The following TPGS2 variants were observed in gnomAD, a reference collection of about 807,000 sequenced individuals.
TPGS2 encodes the protein tubulin polyglutamylase complex subunit 2, also known as polyglutamylase subunit 2.
TPGS2 carries 26 observed loss-of-function variants against 31.1 expected under a neutral mutation model. The ratio of observed to expected loss-of-function variants is 0.84; its 90% CI spans 0.61 to 1.16. The LOEUF is 1.16. Among genes scored for constraint, TPGS2 ranks in the 50% most tolerant of loss-of-function variants. The probability of loss-of-function intolerance (pLI) is 0.00; values close to 1 mark genes in which losing one functional copy is unlikely to be tolerated. For missense variants in TPGS2, 351 were observed against 363.8 expected, an observed-to-expected ratio of 0.96 and a Z score of 0.29; for synonymous variants, 130 against 136.6, an observed-to-expected ratio of 0.95 and a Z score of 0.34.
Position 36,825,431 on chromosome 18 carries a change from CCAAAAAAA to C in TPGS2, c.85+3244_85+3251del, listed in dbSNP as rs2046091395. Among the ~76,000 whole-genome samples, 23 of 103,668 alleles carry C rather than the reference CCAAAAAAA, an allele frequency of 2.2e-4. No individual in the cohort carries two copies. The South Asian group carries it at 6.2e-3, about 28-fold the overall frequency. 68.0% of individuals were successfully genotyped at this position (103,668 alleles called of 152,430 possible). A position where few individuals can be genotyped will look rare whatever the true frequency, so the allele number is the denominator to read the frequency against. ...TGGGCGACAGAGCGAGACTCCGTCTCCAAAAAAAAAAAAAAAAAAAAAATCAATGAATC... is the reference window on the plus strand; with the variant it reads ...TGGGCGACAGAGCGAGACTCCGTCTCAAAAAAAAAAAAAAATCAATGAATC... On this transcript the variant is annotated intron_variant, in intron 1 of 6. Coordinates refer to ENST00000334295, the MANE Select transcript of TPGS2 (RefSeq NM_015476.4).
intron 6 of TPGS2, among the ~76,000 whole-genome samples, chr18:36,784,119 A>T (rs1232887321): frequency 6.6e-6 from 1 of 152,246 alleles, no homozygotes; most frequent in Non-Finnish European, 1.5e-5. Context: ...TTTTAGCTCA[A>T]TAAAACTAAT....
chr18:36,804,793 G>A (rs2045028554), intron 4 of TPGS2, among the ~76,000 whole-genome samples: 1 of 152,160 alleles, frequency 6.6e-6, no homozygotes, highest in Non-Finnish European at 1.5e-5. Context: ...GCTATTAGGA[G>A]GTGCTGCTGA....
chr18:36,796,794 G>C lies in TPGS2; in HGVS notation c.*11C>G. 6.3e-7 allele frequency: 1 copy of C among 1,590,510 alleles called. No individual in the cohort carries two copies. Among genetic ancestry groups the C allele is most frequent in the African/African-American group, 1.4e-5 (1 of 73,478 alleles). ...ACTCTGGAGCTGGTAGGGAGTTGGA[G>C]GGAGGGGTGCTCACTTCCGGGTGGG... On this transcript the variant is annotated 3_prime_UTR_variant, in exon 7 of 7. Coordinates refer to ENST00000334295, the MANE Select transcript of TPGS2 (RefSeq NM_015476.4).
At chr18:36,824,622 T>G (rs768309071) in intron 1 of TPGS2, among the ~76,000 whole-genome samples, 1 of 152,254 alleles carries the variant, frequency 6.6e-6, no homozygotes, top group African/African-American at 2.4e-5. Flanking sequence ...TAATGGCTAA[T>G]GGTGATAATC....
intron 2 of TPGS2, among the ~76,000 whole-genome samples, chr18:36,812,814 T>C (rs2045489338): frequency 6.6e-6 from 1 of 152,198 alleles, no homozygotes; most frequent in Non-Finnish European, 1.5e-5. Flanking sequence ...AGGGAGACAG[T>C]GTCGGAACTG....
intron 1 of TPGS2, among the ~76,000 whole-genome samples, chr18:36,825,312 G>C (rs2046082571): frequency 6.6e-6 from 1 of 151,716 alleles, no homozygotes; most frequent in Non-Finnish European, 1.5e-5. Flanking sequence ...GGCGCCTGGA[G>C]TCCCAGCTGC....
In TPGS2 at chr18:36,796,977, T is replaced by C. The variant is rs765551903; in HGVS notation, c.731A>G (p.Asn244Ser). ...LLTEETDSFV[N>S]KLDPSKVFKS... ...AAACACTTTGCTGGGATCTAGCTTA[T>C]TCACAAAGGAGTCGGTCTCTTCTGT... The change falls in exon 7 of 7, where the codon AAT becomes AGT. Residue 244 changes from asparagine to serine, a missense_variant. Transcript: ENST00000334295. 1.2e-6 allele frequency: 2 copies of C among 1,603,052 alleles called. No homozygotes were observed. The highest frequency in any genetic ancestry group is 1.7e-6 in the Non-Finnish European group (2 of 1,176,778).
chr18:36,822,679 C>T (rs1489476259), intron 1 of TPGS2, among the ~76,000 whole-genome samples: 1 of 152,172 alleles, frequency 6.6e-6, no homozygotes, highest in Non-Finnish European at 1.5e-5. Flanking sequence ...ACTTCAGCCT[C>T]GAACTTCTGG....
At position 36,807,839 on chromosome 18, in the gene TPGS2, T is replaced by G. The variant is rs1309678230; in HGVS notation, c.253+8A>C. ...GGGAAATGTTCTCCTACAAGGAGGC[T>G]GACTCACCATCCAGCTTCACACTCC... On this transcript the variant is annotated splice_region_variant and intron_variant, in intron 3 of 6. Coordinates refer to ENST00000334295, the MANE Select transcript of TPGS2 (RefSeq NM_015476.4). 5 of 1,613,814 alleles carry G rather than the reference T, an allele frequency of 3.1e-6. No homozygotes were observed. The highest frequency in any genetic ancestry group is 4.2e-6 in the Non-Finnish European group (5 of 1,179,774).
At chr18:36,780,554 G>A (rs2043984272), downstream of TPGS2, among the ~76,000 whole-genome samples, 1 of 152,150 alleles carries the variant, frequency 6.6e-6, no homozygotes, top group Non-Finnish European at 1.5e-5. Context: ...TGAGAAATGT[G>A]TTGTTAGGCA....
chr18:36,822,962 AATTACATGTGCTAT>A (rs1253347837), intron 1 of TPGS2, among the ~76,000 whole-genome samples: 1 of 152,226 alleles, frequency 6.6e-6, no homozygotes, highest in Non-Finnish European at 1.5e-5. Flanking sequence ...AATAGTCCAT[AATTACATGTGCTAT>A]ATTACACTTG....
At chr18:36,781,948 T>G (rs1024813201), downstream of TPGS2, 5 of 983,858 alleles carry the variant, frequency 5.1e-6, no homozygotes, top group African/African-American at 8.7e-5. Context: ...ACATAGGGTA[T>G]TAATAGTCAT....
At chr18:36,797,517 G>A (rs1352950086) in intron 6 of TPGS2, among the ~76,000 whole-genome samples, 1 of 140,964 alleles carries the variant, frequency 7.1e-6, no homozygotes, top group Non-Finnish European at 1.5e-5. Context: ...GTTTCCTACT[G>A]TTTTTTTTTT....
At chr18:36,798,204 T>C (rs2044627071) in intron 6 of TPGS2, 2 of 1,344,990 alleles carry the variant, frequency 1.5e-6, no homozygotes, top group Non-Finnish European at 1.9e-6. Context: ...CAACAGAATT[T>C]CATTAAAAAT....
chr18:36,796,624 C>A lies in TPGS2; in HGVS notation c.*181G>T. 1 of 1,369,464 alleles carries A rather than the reference C, an allele frequency of 7.3e-7. No homozygotes were observed. The highest frequency in any genetic ancestry group is 9.4e-7 in the Non-Finnish European group (1 of 1,067,514). The allele number at this position is 1,369,464 out of a possible 1,614,324, so 84.8% of individuals were successfully genotyped here. A position where few individuals can be genotyped will look rare whatever the true frequency, so the allele number is the denominator to read the frequency against. ...TTCCAGAGGCAGGGGACAGCACAACCTGCTCTGGAGGCCTCACTACGAGCC... is the reference window on the plus strand; with the variant it reads ...TTCCAGAGGCAGGGGACAGCACAACATGCTCTGGAGGCCTCACTACGAGCC... On this transcript the variant is annotated 3_prime_UTR_variant, in exon 7 of 7. Transcript: ENST00000334295.
At chr18:36,805,313 T>C in intron 4 of TPGS2, 61 bp downstream of exon 4, 1 of 1,582,048 alleles carries the variant, frequency 6.3e-7, no homozygotes, top group East Asian at 2.2e-5. Context: ...AAGTACCTAC[T>C]ATGCGCCAGG....
intron 1 of TPGS2, among the ~76,000 whole-genome samples, chr18:36,820,815 T>A (rs73947031): frequency 4.6e-5 from 7 of 152,312 alleles, no homozygotes; most frequent in African/African-American, 1.7e-4. Flanking sequence ...AAATTATACA[T>A]TGTTCTTGGC....
chr18:36,807,524 G>GGGT (rs2045214659), intron 3 of TPGS2: 1 of 318,734 alleles, frequency 3.1e-6, no homozygotes. Context: ...TTGCTTGGAG[G>GGGT]TAGAGCCCTC....
chr18:36,808,073 T>G, intron 2 of TPGS2, 139 bp from the exon 3 acceptor site: 32 of 798,082 alleles, frequency 4.0e-5, no homozygotes, highest in Non-Finnish European at 5.6e-5. Context: ...TACAAAACTC[T>G]ATTAGAGAGG....
Sources: allele counts gnomAD v4.1 joint callset (sites outside exome capture counted in the v4.1 genomes callset), GRCh38; gene constraint gnomAD v4.1.1; transcripts MANE v1.5; gene names NCBI Gene and HGNC (gene_info 2026-07-23, HGNC 2026-07-21).